WASF2: variants seen among roughly 807,000 people sequenced by gnomAD.
WASF2 encodes WASP family member 2.
A neutral mutation model predicts 45.0 loss-of-function variants in WASF2; 14 were observed. The ratio of observed to expected loss-of-function variants is 0.31; its 90% confidence interval spans 0.21 to 0.49. The LOEUF is 0.49. WASF2 is among the 20% of genes least tolerant of loss of function. The pLI, the probability that WASF2 is intolerant of heterozygous loss-of-function variation, is 0.99. For missense variants in WASF2, 439 were observed against 636.1 expected, an observed-to-expected ratio of 0.69 and a Z score of 3.33; for synonymous variants, 200 against 236.3, an observed-to-expected ratio of 0.85 and a Z score of 1.41.
chr1:27,441,597 C>A (rs1210824251), intron 1 of WASF2, among the ~76,000 whole-genome samples: 17 of 149,550 alleles, frequency 1.1e-4, no homozygotes, highest in African/African-American at 4.2e-4. Context: ...ACTAAAAATA[C>A]AAAAAAATTA....
At chr1:27,439,555 A>C (rs755708091) in intron 1 of WASF2, among the ~76,000 whole-genome samples, 2 of 152,194 alleles carry the variant, frequency 1.3e-5, no homozygotes, top group Non-Finnish European at 2.9e-5. Flanking sequence ...TCTTCCCTTG[A>C]CTCCAGGAGC....
At chr1:27,417,004 C>T (rs940781853) in intron 4 of WASF2, among the ~76,000 whole-genome samples, 11 of 152,158 alleles carry the variant, frequency 7.2e-5, no homozygotes. Flanking sequence ...ACACAGAAAG[C>T]ACTTCCAAAT....
At chr1:27,477,934 A>C (rs1188551959) in intron 1 of WASF2, among the ~76,000 whole-genome samples, 1 of 150,384 alleles carries the variant, frequency 6.6e-6, no homozygotes, top group Non-Finnish European at 1.5e-5. Flanking sequence ...AAAAAAATAA[A>C]AATAAATAAA....
rs565537053 is a variant in WASF2, at chr1:27,433,649, G to A, written c.-43-4716C>T. Among the ~76,000 whole-genome samples, 318 of 152,358 alleles carry A rather than the reference G, an allele frequency of 2.1e-3. 3 individuals are homozygous for A. The highest frequency in any genetic ancestry group is 7.4e-3 in the African/African-American group (309 of 41,584). ...AGGCTGAGAAGGAGAAAGTACAAAT[G>A]TAAAGGCCCACCCTACCACAGCTAG... On this transcript the variant is annotated intron_variant, in intron 1 of 8. Coordinates refer to ENST00000618852, the MANE Select transcript of WASF2 (RefSeq NM_006990.5).
At chr1:27,461,682 G>A (rs536625598) in intron 1 of WASF2, among the ~76,000 whole-genome samples, 1 of 151,844 alleles carries the variant, frequency 6.6e-6, no homozygotes, top group South Asian at 2.1e-4. Flanking sequence ...CACCGTGTTA[G>A]CCAGGATGGT....
At position 27,479,379 on chromosome 1, in the gene WASF2, G is replaced by A. The variant is rs933033625; in HGVS notation, c.-44+10607C>T. ...AAGGTGGGAGGATCACTTGAAGCCA[G>A]GGGCTGGAGACCAGCCTTAGCAACA... On this transcript the variant is annotated intron_variant, in intron 1 of 8. Transcript: ENST00000618852. Among the ~76,000 whole-genome samples, 265 of 152,134 alleles carry A rather than the reference G, an allele frequency of 1.7e-3. 3 individuals carry two copies. The highest frequency in any genetic ancestry group is 4.1e-4 in the Non-Finnish European group (28 of 68,024).
chr1:27,420,107 G>C (rs1271465325), intron 2 of WASF2, among the ~76,000 whole-genome samples: 1 of 152,024 alleles, frequency 6.6e-6, no homozygotes, highest in East Asian at 1.9e-4. Context: ...GATTTGCCAG[G>C]TTGCCCAGGC....
intron 3 of WASF2, among the ~76,000 whole-genome samples, chr1:27,418,682 C>T (rs893239537): frequency 1.3e-5 from 2 of 152,104 alleles, no homozygotes; most frequent in Non-Finnish European, 2.9e-5. Flanking sequence ...AGGAATGAAT[C>T]TTCCAAGTAC....
chr1:27,447,659 G>A (rs925243551), intron 1 of WASF2, among the ~76,000 whole-genome samples: 1 of 152,206 alleles, frequency 6.6e-6, no homozygotes, highest in African/African-American at 2.4e-5. Context: ...ATTCCGAACA[G>A]TCACGAAAGT....
At chr1:27,489,541 C>A (rs2018000244) in intron 1 of WASF2, among the ~76,000 whole-genome samples, 1 of 151,714 alleles carries the variant, frequency 6.6e-6, no homozygotes. Flanking sequence ...ACTTCATGGT[C>A]CAGAGATGGA....
chr1:27,459,981 A>G (rs188527180), intron 1 of WASF2, among the ~76,000 whole-genome samples: 43 of 152,348 alleles, frequency 2.8e-4, no homozygotes, highest in East Asian at 1.9e-4. Flanking sequence ...GTTACTGCAA[A>G]TAAGTATAAC....
rs998488815 is a variant in WASF2 at position 27,463,622 on chromosome 1, CA to C, written c.-44+26363del. ...TGGGCGACAGAGTGAGACTCTGTCTCAAAAAAAAAAAAAAAAAAAAAAACTA... is the reference window on the plus strand; with the variant it reads ...TGGGCGACAGAGTGAGACTCTGTCTCAAAAAAAAAAAAAAAAAAAAAACTA... On this transcript the variant is annotated intron_variant, in intron 1 of 8. Transcript: ENST00000618852. Among the ~76,000 whole-genome samples the C allele has an allele frequency of 4.2e-3, 174 of 41,866 alleles. 1 individual carries two copies. The South Asian group carries it at 0.05, about 12-fold the overall frequency. 27.5% of individuals were successfully genotyped at this position (41,866 alleles called of 152,430 possible). A position where few individuals can be genotyped will look rare whatever the true frequency, so the allele number is the denominator to read the frequency against.
At chr1:27,487,651 T>C in intron 1 of WASF2, among the ~76,000 whole-genome samples, 1 of 96,740 alleles carries the variant, frequency 1.0e-5, no homozygotes, top group Middle Eastern at 4.5e-3. Flanking sequence ...ATATTATATA[T>C]TATATAATAT....
intron 1 of WASF2, among the ~76,000 whole-genome samples, chr1:27,449,121 C>T (rs1436800810): frequency 6.6e-6 from 1 of 152,192 alleles, no homozygotes; most frequent in Non-Finnish European, 1.5e-5. Context: ...CCCTCTTCCA[C>T]ATGCCATAAC....
At chr1:27,462,628 A>T (rs2148132280) in intron 1 of WASF2, among the ~76,000 whole-genome samples, 1 of 152,102 alleles carries the variant, frequency 6.6e-6, no homozygotes, top group East Asian at 1.9e-4. Flanking sequence ...TTTATGGAAA[A>T]TTTTTCCCTC....
intron 1 of WASF2, among the ~76,000 whole-genome samples, chr1:27,456,237 G>T (rs1351443043): frequency 1.3e-5 from 2 of 149,580 alleles, no homozygotes; most frequent in African/African-American, 2.5e-5. Flanking sequence ...CAGGAGAATG[G>T]CGTGAACCCA....
chr1:27,443,328 A>C (rs2148120718), intron 1 of WASF2, among the ~76,000 whole-genome samples: 1 of 150,478 alleles, frequency 6.6e-6, no homozygotes, highest in Admixed American at 6.6e-5. Context: ...AAAAAAAAAA[A>C]AAAGGCCAGG....
chr1:27,422,053 A>C (rs1297509160), intron 2 of WASF2, among the ~76,000 whole-genome samples: 1 of 151,844 alleles, frequency 6.6e-6, no homozygotes, highest in Non-Finnish European at 1.5e-5. Flanking sequence ...AAAAAAAAAC[A>C]ATCAACTTAC....
chr1:27,408,903 G>A (rs896883531), intron 8 of WASF2, among the ~76,000 whole-genome samples: 15 of 152,032 alleles, frequency 9.9e-5, no homozygotes, highest in African/African-American at 3.6e-4. Flanking sequence ...AAGAGGGCAG[G>A]GGGCAAGGAA....
Sources: allele counts gnomAD v4.1 joint callset (sites outside exome capture counted in the v4.1 genomes callset), GRCh38; gene constraint gnomAD v4.1.1; transcripts MANE v1.5; gene names NCBI Gene and HGNC (gene_info 2026-07-23, HGNC 2026-07-21).